PTPRD: variants seen among roughly 807,000 people sequenced by gnomAD.
PTPRD encodes the protein receptor-type tyrosine-protein phosphatase delta.
A neutral mutation model predicts 214.5 loss-of-function variants in PTPRD; 34 were observed. The ratio of observed to expected loss-of-function variants is 0.16; its 90% CI spans 0.12 to 0.21. PTPRD has a LOEUF of 0.21. Among genes scored for constraint, PTPRD ranks in the 10% least tolerant of loss-of-function variants. PTPRD has a pLI of 1.00. For synonymous variants in PTPRD, 1,128 were observed against 845.7 expected (o/e 1.33, Z -5.79); for missense variants, 2,545 against 2,398.7 (o/e 1.06, Z -1.27).
At chr9:8,388,408 A>G (rs955761703) in intron 37 of PTPRD, among the ~76,000 whole-genome samples, 55 of 152,298 alleles carry the variant, frequency 3.6e-4, no homozygotes, top group African/African-American at 1.3e-3. Flanking sequence ...CTATTCTTCA[A>G]TGAAAGTATC....
intron 8 of PTPRD, among the ~76,000 whole-genome samples, chr9:9,553,517 G>A (rs557994993): frequency 1.1e-4 from 16 of 151,474 alleles, no homozygotes; most frequent in Non-Finnish European, 2.1e-4. Flanking sequence ...AGAAAAACTC[G>A]GATTTTTTTT....
chr9:9,876,606 T>G (rs2066936331), intron 5 of PTPRD, among the ~76,000 whole-genome samples: 1 of 152,192 alleles, frequency 6.6e-6, no homozygotes, highest in Non-Finnish European at 1.5e-5. Context: ...ATGCTCATTA[T>G]ATGAGAATTA....
chr9:9,434,541 G>A (rs62532955), intron 8 of PTPRD, among the ~76,000 whole-genome samples: 56,869 of 151,894 alleles, frequency 0.37, 11,253 homozygotes, highest in Middle Eastern at 0.59. Flanking sequence ...TTTATATGGA[G>A]CCACAAATAA....
At chr9:9,671,068 C>A (rs1424099434) in intron 7 of PTPRD, among the ~76,000 whole-genome samples, 2 of 152,188 alleles carry the variant, frequency 1.3e-5, no homozygotes, top group Admixed American at 6.5e-5. Flanking sequence ...CACAGACACT[C>A]AATGCCAGCT....
At chr9:10,300,891 T>C (rs1399300527) in intron 3 of PTPRD, among the ~76,000 whole-genome samples, 1 of 152,064 alleles carries the variant, frequency 6.6e-6, no homozygotes, top group African/African-American at 2.4e-5. Context: ...GCCATGGCTC[T>C]CCCAGCACAG....
At chr9:9,355,517 A>C (rs1161312847) in intron 9 of PTPRD, among the ~76,000 whole-genome samples, 1 of 151,686 alleles carries the variant, frequency 6.6e-6, no homozygotes, top group East Asian at 1.9e-4. Context: ...TAAGTGACTG[A>C]ACACAAGGAG....
intron 9 of PTPRD, among the ~76,000 whole-genome samples, chr9:9,268,118 C>A (rs1361177503): frequency 6.6e-6 from 1 of 150,780 alleles, no homozygotes; most frequent in Non-Finnish European, 1.5e-5. Context: ...ATATAGAAAA[C>A]CCTAAAGACT....
intron 8 of PTPRD, among the ~76,000 whole-genome samples, chr9:9,460,489 A>G (rs1395470083): frequency 6.6e-6 from 1 of 152,060 alleles, no homozygotes; most frequent in Admixed American, 6.6e-5. Context: ...TCAACATTAG[A>G]AAAAAACAAA....
intron 7 of PTPRD, among the ~76,000 whole-genome samples, chr9:9,582,386 A>G (rs559590342): frequency 2.6e-5 from 4 of 152,076 alleles, no homozygotes; most frequent in Non-Finnish European, 5.9e-5. Context: ...GTCATATATC[A>G]TAAGAGGCCA....
intron 14 of PTPRD, among the ~76,000 whole-genome samples, chr9:8,607,460 T>C (rs1411729027): frequency 6.6e-6 from 1 of 152,104 alleles, no homozygotes; most frequent in Non-Finnish European, 1.5e-5. Flanking sequence ...CTGGTCAACA[T>C]GGTGAAACCC....
chr9:9,306,116 C>G (rs967547366), intron 9 of PTPRD, among the ~76,000 whole-genome samples: 4 of 152,126 alleles, frequency 2.6e-5, no homozygotes, highest in Non-Finnish European at 5.9e-5. Context: ...AAGAACCCTA[C>G]CAAAACCTTG....
At chr9:9,310,657 C>T (rs531383688) in intron 9 of PTPRD, among the ~76,000 whole-genome samples, 1 of 152,060 alleles carries the variant, frequency 6.6e-6, no homozygotes, top group Non-Finnish European at 1.5e-5. Flanking sequence ...GTGGCTCGCG[C>T]CTGTAATCCC....
At chr9:10,278,445 A>G (rs2094860451) in intron 3 of PTPRD, among the ~76,000 whole-genome samples, 2 of 152,096 alleles carry the variant, frequency 1.3e-5, no homozygotes, top group Admixed American at 1.3e-4. Flanking sequence ...GATTTGCTGC[A>G]TTGCCTCCCT....
rs189900214 is a variant in PTPRD at position 9,707,767 on chromosome 9, G to A, written c.-287+26766C>T. On this transcript the variant is annotated intron_variant, in intron 7 of 45. Coordinates refer to ENST00000381196, the MANE Select transcript of PTPRD (RefSeq NM_002839.4). ...TATCTTATTTTTGATGATAGAGTTA[G>A]CAGTGCCACTATTCTATTGGCCTGC... 9.7e-4 allele frequency among the ~76,000 whole-genome samples: 148 copies of A among 152,096 alleles called. 1 individual carries two copies. The highest frequency in any genetic ancestry group is 3.4e-3 in the African/African-American group (141 of 41,494).
At chr9:8,639,079 G>T (rs1338653450) in intron 12 of PTPRD, among the ~76,000 whole-genome samples, 1 of 152,128 alleles carries the variant, frequency 6.6e-6, no homozygotes, top group Non-Finnish European at 1.5e-5. Context: ...GTCACCTCGT[G>T]ATCCACCTGC....
intron 5 of PTPRD, among the ~76,000 whole-genome samples, chr9:9,856,980 T>C (rs2061674942): frequency 6.6e-6 from 1 of 152,172 alleles, no homozygotes; most frequent in African/African-American, 2.4e-5. Flanking sequence ...TGGACCAATG[T>C]ATTATTTTTC....
At chr9:8,619,086 A>C (rs141865358) in intron 14 of PTPRD, among the ~76,000 whole-genome samples, 129 of 151,712 alleles carry the variant, frequency 8.5e-4, no homozygotes, top group African/African-American at 2.9e-3. Flanking sequence ...ATTGAGACAT[A>C]AAAGTGTATT....
At chr9:10,492,805 G>T (rs57257857) in intron 2 of PTPRD, among the ~76,000 whole-genome samples, 1 of 152,046 alleles carries the variant, frequency 6.6e-6, no homozygotes, top group African/African-American at 2.4e-5. Flanking sequence ...GTCCTGAGTG[G>T]TATTGCCTAG....
intron 30 of PTPRD, among the ~76,000 whole-genome samples, chr9:8,480,284 C>T (rs528410501): frequency 6.6e-6 from 1 of 152,194 alleles, no homozygotes. Context: ...TCCACTCCCA[C>T]TCCCATGGCC....
Sources: allele counts gnomAD v4.1 joint callset (sites outside exome capture counted in the v4.1 genomes callset), GRCh38; gene constraint gnomAD v4.1.1; transcripts MANE v1.5; gene names NCBI Gene and HGNC (gene_info 2026-07-23, HGNC 2026-07-21).